The following FBXW7 variants were observed in gnomAD, a reference collection of about 807,000 sequenced individuals.
FBXW7 encodes F-box/WD repeat-containing protein 7.
A neutral mutation model predicts 86.3 loss-of-function variants in FBXW7; 11 were observed. The ratio of observed to expected loss-of-function variants is 0.13; its 90% CI spans 0.08 to 0.21. The LOEUF is 0.21. Among genes scored for constraint, FBXW7 ranks in the 10% least tolerant of loss-of-function variants. The pLI is 1.00. For missense variants in FBXW7, 488 were observed against 847.4 expected, an observed-to-expected ratio of 0.58 and a Z score of 5.27; for synonymous variants, 313 against 297.9, an observed-to-expected ratio of 1.05 and a Z score of -0.52.
At chr4:152,525,395 T>C (rs1749416923) in intron 2 of FBXW7, among the ~76,000 whole-genome samples, 1 of 152,214 alleles carries the variant, frequency 6.6e-6, no homozygotes, top group South Asian at 2.1e-4. Context: ...CTGTACTTAT[T>C]ATTTCAACAA....
In FBXW7 at chr4:152,493,225, C is replaced by T. The variant is rs373540293; in HGVS notation, c.-120+41716G>A. Reference sequence around the variant, plus strand: ...TGTTGCCCAGGCTGGAGTGCAGTGGCGCAATCTTGGCTCACTGCAAACTCT... The same window carrying T: ...TGTTGCCCAGGCTGGAGTGCAGTGGTGCAATCTTGGCTCACTGCAAACTCT... On this transcript the variant is annotated intron_variant, in intron 2 of 13. Coordinates refer to ENST00000281708, the MANE Select transcript of FBXW7 (RefSeq NM_001349798.2). Among the ~76,000 whole-genome samples the T allele has an allele frequency of 5.9e-5, 9 of 151,844 alleles. 1 individual carries two copies. The highest frequency in any genetic ancestry group is 1.7e-4 in the African/African-American group (7 of 41,420).
intron 2 of FBXW7, among the ~76,000 whole-genome samples, chr4:152,492,684 A>G (rs1287798416): frequency 2.0e-5 from 3 of 152,196 alleles, no homozygotes; most frequent in African/African-American, 7.2e-5. Context: ...TGAGGAGCAT[A>G]TTAACATAGG....
At chr4:152,422,848 T>C (rs1006913883) in intron 2 of FBXW7, among the ~76,000 whole-genome samples, 5 of 152,238 alleles carry the variant, frequency 3.3e-5, no homozygotes, top group African/African-American at 1.2e-4. Context: ...CCTCCCTAGA[T>C]AACTATTATT....
intron 2 of FBXW7, among the ~76,000 whole-genome samples, chr4:152,437,430 C>G (rs535397733): frequency 6.6e-6 from 1 of 151,126 alleles, no homozygotes; most frequent in Admixed American, 6.6e-5. Context: ...GTAGAAATAG[C>G]AAGAGAACTA....
chr4:152,471,112 G>C (rs1743914728), intron 2 of FBXW7, among the ~76,000 whole-genome samples: 1 of 151,460 alleles, frequency 6.6e-6, no homozygotes, highest in Non-Finnish European at 1.5e-5. Context: ...CACATCAATA[G>C]ATTTTCTATG....
At chr4:152,474,388 A>AT (rs1160324291) in intron 2 of FBXW7, among the ~76,000 whole-genome samples, 1 of 152,182 alleles carries the variant, frequency 6.6e-6, no homozygotes, top group African/African-American at 2.4e-5. Flanking sequence ...TTTGTTTTCA[A>AT]TTTTAATTAT....
chr4:152,503,575 A>G (rs963943492), intron 2 of FBXW7, among the ~76,000 whole-genome samples: 6 of 151,992 alleles, frequency 3.9e-5, no homozygotes, highest in South Asian at 2.1e-4. Flanking sequence ...CCCGGCCCCA[A>G]TTAAATCTTT....
intron 2 of FBXW7, among the ~76,000 whole-genome samples, chr4:152,414,563 A>T (rs1261597989): frequency 2.6e-5 from 4 of 152,204 alleles, no homozygotes; most frequent in Non-Finnish European, 5.9e-5. Flanking sequence ...ATAAATGATC[A>T]GAGAAATTAA....
chr4:152,456,564 C>T (rs1393919910), intron 2 of FBXW7, among the ~76,000 whole-genome samples: 2 of 151,740 alleles, frequency 1.3e-5, no homozygotes, highest in African/African-American at 4.8e-5. Context: ...AATCAATAAG[C>T]AAAGATTCGA....
intron 2 of FBXW7, among the ~76,000 whole-genome samples, chr4:152,465,562 T>C (rs1247107785): frequency 3.3e-5 from 5 of 152,100 alleles, no homozygotes; most frequent in African/African-American, 1.2e-4. Context: ...ATTACCCATC[T>C]GGCCAGGCGC....
intron 2 of FBXW7, among the ~76,000 whole-genome samples, chr4:152,457,630 CA>C (rs1282847742): frequency 9.5e-6 from 1 of 105,640 alleles, no homozygotes; most frequent in Non-Finnish European, 1.8e-5. Flanking sequence ...GGTGACAGAG[CA>C]AGACTCTGTC....
intron 2 of FBXW7, among the ~76,000 whole-genome samples, chr4:152,493,107 A>G (rs757069993): frequency 1.3e-5 from 2 of 151,830 alleles, no homozygotes; most frequent in Non-Finnish European, 2.9e-5. Context: ...AAGGCTGAAG[A>G]GCAATAGATC....
At chr4:152,454,116 T>G (rs1448949893) in intron 2 of FBXW7, among the ~76,000 whole-genome samples, 1 of 152,154 alleles carries the variant, frequency 6.6e-6, no homozygotes, top group Non-Finnish European at 1.5e-5. Flanking sequence ...TACCAGTCAA[T>G]ATTCAAATTC....
At chr4:152,489,965 T>A (rs1489226896) in intron 2 of FBXW7, among the ~76,000 whole-genome samples, 12 of 152,220 alleles carry the variant, frequency 7.9e-5, no homozygotes, top group African/African-American at 2.6e-4. Context: ...CTTGCAAACA[T>A]GTTTTCATTT....
chr4:152,463,497 G>A (rs1743144281), intron 2 of FBXW7, among the ~76,000 whole-genome samples: 1 of 152,012 alleles, frequency 6.6e-6, no homozygotes, highest in African/African-American at 2.4e-5. Context: ...AACAAGTGTA[G>A]ACAAGAAGTG....
intron 2 of FBXW7, among the ~76,000 whole-genome samples, chr4:152,459,764 A>G (rs1054434985): frequency 2.6e-5 from 4 of 152,208 alleles, no homozygotes; most frequent in African/African-American, 7.2e-5. Flanking sequence ...TAACAACAAC[A>G]ATAATAAAAA....
At chr4:152,373,347 C>T (rs1445213329) in intron 4 of FBXW7, among the ~76,000 whole-genome samples, 3 of 151,864 alleles carry the variant, frequency 2.0e-5, no homozygotes, top group Admixed American at 6.6e-5. Flanking sequence ...ATTCTATTAC[C>T]CTATTTTACT....
intron 2 of FBXW7, among the ~76,000 whole-genome samples, chr4:152,455,379 A>G (rs1321016438): frequency 6.6e-6 from 1 of 152,056 alleles, no homozygotes; most frequent in Non-Finnish European, 1.5e-5. Flanking sequence ...CCTTCAAAGC[A>G]CTCACAAGCA....
chr4:152,511,348 C>G (rs528031817), intron 2 of FBXW7, among the ~76,000 whole-genome samples: 18 of 145,974 alleles, frequency 1.2e-4, no homozygotes, highest in Non-Finnish European at 2.5e-4. Flanking sequence ...TGACCATGGA[C>G]AATTACTTAA....
Sources: allele counts gnomAD v4.1 joint callset (sites outside exome capture counted in the v4.1 genomes callset), GRCh38; gene constraint gnomAD v4.1.1; transcripts MANE v1.5; gene names NCBI Gene and HGNC (gene_info 2026-07-23, HGNC 2026-07-21).